Variants in L2HGDH observed in about 807,000 individuals in gnomAD.
L2HGDH encodes the protein L-2-hydroxyglutarate dehydrogenase, also known as L-2-hydroxyglutarate dehydrogenase, mitochondrial.
Under a neutral mutation model 51.5 loss-of-function variants are expected in L2HGDH, and 34 were observed. The ratio of observed to expected loss-of-function variants is 0.66; its 90% CI spans 0.50 to 0.88. The LOEUF (loss-of-function observed/expected upper bound fraction) is 0.88. L2HGDH is among the 40% of genes least tolerant of loss of function. L2HGDH has a pLI of 0.00. For missense variants in L2HGDH, 558 were observed against 571.9 expected, an observed-to-expected ratio of 0.98 and a Z score of 0.25; for synonymous variants, 198 against 197.9, an observed-to-expected ratio of 1.00 and a Z score of -0.01.
At chr14:50,278,950 C>T (rs1445714560) in intron 5 of L2HGDH, among the ~76,000 whole-genome samples, 2 of 152,212 alleles carry the variant, frequency 1.3e-5, no homozygotes, top group African/African-American at 4.8e-5. Flanking sequence ...TACTGGATTC[C>T]TTGCAGGTTC....
intron 3 of L2HGDH, among the ~76,000 whole-genome samples, 188 bp from the exon 4 acceptor site, chr14:50,294,434 T>C (rs911164600): frequency 3.3e-5 from 5 of 152,018 alleles, no homozygotes; most frequent in Admixed American, 6.6e-5. Flanking sequence ...CCAAGAAAAG[T>C]TGTCTTAAGA....
chr14:50,259,829 T>C (rs1888910782), intron 9 of L2HGDH, among the ~76,000 whole-genome samples: 1 of 148,170 alleles, frequency 6.7e-6, no homozygotes, highest in Admixed American at 6.8e-5. Flanking sequence ...GCGAGACTCT[T>C]AAAAAAAAAA....
rs1389398847 is a variant in L2HGDH, at chr14:50,243,423, AATTT to A, written c.*3631_*3634del. The stretch of plus-strand genomic sequence containing the variant: ...ACAGTTTATGTTTTACACATAAAAA[AATTT>A]ATTTGCATAAAAGTTTTTATGGAAC... On this transcript the variant is annotated 3_prime_UTR_variant, in exon 10 of 10. Coordinates refer to ENST00000267436, the MANE Select transcript of L2HGDH (RefSeq NM_024884.3). 5.2e-6 allele frequency: 5 copies of A among 963,614 alleles called. No individual in the cohort carries two copies. In the African/African-American group the frequency reaches 7.0e-5, roughly 14 times the overall value. The allele number at this position is 963,614 out of a possible 1,614,324, so 59.7% of individuals were successfully genotyped here. A position where few individuals can be genotyped will look rare whatever the true frequency, so the allele number is the denominator to read the frequency against.
chr14:50,259,599 C>A (rs1444727147), intron 9 of L2HGDH, among the ~76,000 whole-genome samples: 1 of 151,634 alleles, frequency 6.6e-6, no homozygotes, highest in African/African-American at 2.4e-5. Flanking sequence ...GAGGCCAAGG[C>A]GGGTAGATCA....
At chr14:50,286,975 T>G (rs369249011) in intron 4 of L2HGDH, among the ~76,000 whole-genome samples, 2 of 152,332 alleles carry the variant, frequency 1.3e-5, no homozygotes, top group East Asian at 3.9e-4. Context: ...CCTAACATAG[T>G]GTGTGGCACA....
intron 5 of L2HGDH, among the ~76,000 whole-genome samples, chr14:50,281,917 C>T (rs916075266): frequency 5.3e-5 from 8 of 152,058 alleles, no homozygotes; most frequent in Non-Finnish European, 1.0e-4. Context: ...CTCAGCTCAC[C>T]GTAACCTCCA....
At chr14:50,272,535 A>G (rs1254287397) in intron 6 of L2HGDH, among the ~76,000 whole-genome samples, 1 of 152,146 alleles carries the variant, frequency 6.6e-6, no homozygotes, top group African/African-American at 2.4e-5. Flanking sequence ...TTTTTGGAGG[A>G]AAGTTATATC....
chr14:50,278,038 G>A (rs1173938114), intron 6 of L2HGDH, among the ~76,000 whole-genome samples: 6 of 152,000 alleles, frequency 3.9e-5, no homozygotes, highest in Non-Finnish European at 8.8e-5. Flanking sequence ...AAATCCTATA[G>A]CACTCATTAA....
chr14:50,307,846 T>A (rs1204509999), intron 1 of L2HGDH, among the ~76,000 whole-genome samples: 1 of 152,158 alleles, frequency 6.6e-6, no homozygotes, highest in Non-Finnish European at 1.5e-5. Context: ...ATTTTTTACA[T>A]CACCTAATAT....
intron 9 of L2HGDH, among the ~76,000 whole-genome samples, chr14:50,257,957 C>T (rs941884745): frequency 6.6e-6 from 1 of 151,172 alleles, no homozygotes; most frequent in Non-Finnish European, 1.5e-5. Context: ...CTGTGGGAAT[C>T]ATCTGGGAGG....
At chr14:50,291,488 T>A (rs1456100158) in intron 4 of L2HGDH, among the ~76,000 whole-genome samples, 1 of 152,062 alleles carries the variant, frequency 6.6e-6, no homozygotes, top group East Asian at 1.9e-4. Context: ...AGCAAAATAG[T>A]TTGATTATCC....
chr14:50,265,341 T>C lies in L2HGDH; in HGVS notation c.1196+17A>G, dbSNP rs183258819. ...TAGGTCAGGACTGTATTTACACTCCTTATCCCTTTTCCTTACCTAAGTATA... is the reference window on the plus strand; with the variant it reads ...TAGGTCAGGACTGTATTTACACTCCCTATCCCTTTTCCTTACCTAAGTATA... On this transcript the variant is annotated intron_variant, in intron 9 of 9. Coordinates refer to ENST00000267436, the MANE Select transcript of L2HGDH (RefSeq NM_024884.3). 4 of 1,605,670 alleles carry C rather than the reference T, an allele frequency of 2.5e-6. No homozygotes were observed. The African/African-American group carries it at 5.3e-5, about 21-fold the overall frequency.
intron 1 of L2HGDH, among the ~76,000 whole-genome samples, chr14:50,310,936 CTTTTTT>C (rs34399906): frequency 6.1e-5 from 5 of 82,242 alleles, no homozygotes; most frequent in African/African-American, 2.3e-4. Flanking sequence ...CTTTTCTTTT[CTTTTTT>C]TTTTTTTTTT....
intron 9 of L2HGDH, among the ~76,000 whole-genome samples, chr14:50,261,677 T>A (rs2139959582): frequency 6.6e-6 from 1 of 151,934 alleles, no homozygotes; most frequent in African/African-American, 2.4e-5. Flanking sequence ...AGAGATGGCA[T>A]CTCACTATAT....
chr14:50,276,112 C>T (rs1889967144), intron 6 of L2HGDH, among the ~76,000 whole-genome samples: 1 of 152,174 alleles, frequency 6.6e-6, no homozygotes, highest in South Asian at 2.1e-4. Flanking sequence ...GCCTGGAATA[C>T]ACATCTCCTG....
rs954134270 is a variant in L2HGDH at position 50,294,033 on chromosome 14, C to T, written c.540+82G>A. ...ATTATCTAACTGATTTTATATTATT[C>T]CTGCCTCCTATACACTCACCCTCAG... On this transcript the variant is annotated intron_variant, in intron 4 of 9. Transcript: ENST00000267436. 39 of 1,477,184 alleles carry T rather than the reference C, an allele frequency of 2.6e-5. No homozygotes were observed. The South Asian group carries it at 3.9e-4, about 15-fold the overall frequency. The allele number at this position is 1,477,184 out of a possible 1,614,324, so 91.5% of individuals were successfully genotyped here.
Position 50,243,642 on chromosome 14 carries a change from AT to A in L2HGDH, c.*3415del. 1.7e-6 allele frequency: 1 copy of A among 572,206 alleles called. No individual in the cohort carries two copies. The highest frequency in any genetic ancestry group is 2.2e-6 in the Non-Finnish European group (1 of 462,276). The allele number at this position is 572,206 out of a possible 1,614,324, so 35.4% of individuals were successfully genotyped here. ...TCAAAACACTTTCAACAAATTTTTC[AT>A]TTTTATTTTTCAGGGTATTTTATAT... On this transcript the variant is annotated 3_prime_UTR_variant, in exon 10 of 10. Coordinates refer to ENST00000267436, the MANE Select transcript of L2HGDH (RefSeq NM_024884.3).
chr14:50,247,168 T>C lies in L2HGDH; in HGVS notation c.1282A>G (p.Ile428Val), dbSNP rs1888054067. ...CTCACATGAAGAATGCGATTTCCAA[T>C]ATCCCCAACTCCTGCATCAAATACA... ...DFVFDAGVGD[I>V]GNRILHVRNA... Residue 428 changes from isoleucine (I) to valine (V), a missense_variant, in exon 10 of 10, where the codon ATT (isoleucine) becomes GTT (valine). Coordinates refer to ENST00000267436, the MANE Select transcript of L2HGDH (RefSeq NM_024884.3). 2 of 1,614,050 alleles carry C rather than the reference T, an allele frequency of 1.2e-6. No individual in the cohort carries two copies. Among genetic ancestry groups the C allele is most frequent in the Non-Finnish European group, 1.7e-6 (2 of 1,180,036 alleles).
At chr14:50,277,571 C>A (rs1163832877) in intron 6 of L2HGDH, among the ~76,000 whole-genome samples, 2 of 151,544 alleles carry the variant, frequency 1.3e-5, no homozygotes, top group Non-Finnish European at 2.9e-5. Context: ...GTCAGGAGAT[C>A]GAGACCATCC....
Sources: gnomAD v4.1 joint callset for allele counts (sites outside exome capture counted in the v4.1 genomes callset) on GRCh38, gnomAD v4.1.1 for gene constraint, MANE v1.5 for transcripts, NCBI Gene and HGNC (gene_info 2026-07-23, HGNC 2026-07-21) for gene names.